NCAM1: variants seen among roughly 807,000 people sequenced by gnomAD.
NCAM1 encodes the protein antigen recognized by monoclonal antibody 5.1H11.
A neutral mutation model predicts 109.8 loss-of-function variants in NCAM1; 14 were observed. The ratio of observed to expected loss-of-function variants is 0.13; its 90% confidence interval spans 0.08 to 0.20. The LOEUF (loss-of-function observed/expected upper bound fraction) is 0.20, where lower values mean the gene tolerates loss of function less well. NCAM1 is among the 10% of genes least tolerant of loss of function. The pLI is 1.00. For missense variants in NCAM1, 774 were observed against 1,109.9 expected, an observed-to-expected ratio of 0.70 and a Z score of 4.30; for synonymous variants, 418 against 442.9, an observed-to-expected ratio of 0.94 and a Z score of 0.70.
chr11:112,983,381 A>G (rs541106907), intron 1 of NCAM1, among the ~76,000 whole-genome samples: 1 of 151,738 alleles, frequency 6.6e-6, no homozygotes, highest in Admixed American at 6.6e-5. Flanking sequence ...AGCTACAGAA[A>G]ATGATTTTGA....
At chr11:113,035,806 T>C (rs1385157901) in intron 1 of NCAM1, among the ~76,000 whole-genome samples, 2 of 152,234 alleles carry the variant, frequency 1.3e-5, no homozygotes, top group African/African-American at 4.8e-5. Flanking sequence ...TTTATTTTCC[T>C]CTTAACATCT....
intron 1 of NCAM1, among the ~76,000 whole-genome samples, chr11:113,164,494 G>C (rs370348735): frequency 3.3e-5 from 5 of 152,212 alleles, no homozygotes; most frequent in East Asian, 3.9e-4. Context: ...CTTTGCTTCT[G>C]ACCCTCCAGC....
At chr11:113,182,824 A>G (rs7924361) in intron 1 of NCAM1, among the ~76,000 whole-genome samples, 10 of 152,206 alleles carry the variant, frequency 6.6e-5, no homozygotes, top group African/African-American at 2.4e-4. Flanking sequence ...TCAGGCTTAC[A>G]GCGGCAGCCC....
At chr11:112,984,803 C>T (rs553190263) in intron 1 of NCAM1, among the ~76,000 whole-genome samples, 29 of 151,822 alleles carry the variant, frequency 1.9e-4, no homozygotes, top group Non-Finnish European at 3.4e-4. Flanking sequence ...ATATTAACCC[C>T]TTTTCTGATA....
chr11:113,096,910 T>A (rs1555090559), intron 1 of NCAM1, among the ~76,000 whole-genome samples: 2 of 152,146 alleles, frequency 1.3e-5, no homozygotes, highest in Non-Finnish European at 1.5e-5. Context: ...GTCTTCCAGC[T>A]GTCTCTCCCC....
chr11:112,983,699 A>C (rs1260021373), intron 1 of NCAM1, among the ~76,000 whole-genome samples: 6 of 152,002 alleles, frequency 3.9e-5, no homozygotes, highest in African/African-American at 1.4e-4. Flanking sequence ...TGGTCAAATG[A>C]CCATGCTCCT....
intron 1 of NCAM1, among the ~76,000 whole-genome samples, chr11:113,100,735 G>A (rs1048604032): frequency 5.3e-5 from 8 of 152,096 alleles, no homozygotes; most frequent in African/African-American, 1.4e-4. Flanking sequence ...ATGTGGGGGG[G>A]TGGGTGGCAC....
chr11:113,260,839 C>T (rs1396792986), intron 17 of NCAM1, among the ~76,000 whole-genome samples: 1 of 152,152 alleles, frequency 6.6e-6, no homozygotes, highest in East Asian at 1.9e-4. Flanking sequence ...AAAGGCCTCT[C>T]AATGGAAACA....
At chr11:113,237,255 G>T (rs1369522800) in intron 14 of NCAM1, among the ~76,000 whole-genome samples, 2 of 152,156 alleles carry the variant, frequency 1.3e-5, no homozygotes, top group Admixed American at 1.3e-4. Flanking sequence ...GCGGAGGGAG[G>T]TGTTACCCAG....
intron 1 of NCAM1, among the ~76,000 whole-genome samples, chr11:113,026,150 A>G (rs1237743387): frequency 6.6e-6 from 1 of 152,092 alleles, no homozygotes; most frequent in Non-Finnish European, 1.5e-5. Flanking sequence ...ATTTGAAAAA[A>G]CTCCAGGGCC....
rs189496878 is a variant in NCAM1, at chr11:113,166,614, T to A, written c.53-35765T>A. On this transcript the variant is annotated intron_variant, in intron 1 of 19. Coordinates refer to ENST00000316851, the MANE Select transcript of NCAM1 (RefSeq NM_181351.5). ...ATAAAATATTGGTGGGAGATGTTAT[T>A]ATGCCCATACCTTGCTGAGTGATGA... Among the ~76,000 whole-genome samples the A allele has an allele frequency of 3.2e-4, 48 of 152,346 alleles. No individual in the cohort carries two copies. In the South Asian group the frequency reaches 5.4e-3, roughly 17 times the overall value.
At chr11:112,969,683 A>C (rs376105904) in intron 1 of NCAM1, among the ~76,000 whole-genome samples, 3 of 152,334 alleles carry the variant, frequency 2.0e-5, no homozygotes, top group African/African-American at 7.2e-5. Context: ...ATGTGCTTTA[A>C]AAAAGTTCCC....
chr11:113,187,547 G>A (rs1943547128), intron 1 of NCAM1, among the ~76,000 whole-genome samples: 1 of 132,056 alleles, frequency 7.6e-6, no homozygotes, highest in African/African-American at 2.7e-5. Flanking sequence ...GGATCTGTGT[G>A]TGTGTGTGTG....
intron 1 of NCAM1, among the ~76,000 whole-genome samples, chr11:113,184,894 T>G (rs1316684688): frequency 6.6e-6 from 1 of 151,920 alleles, no homozygotes; most frequent in Non-Finnish European, 1.5e-5. Flanking sequence ...ATTATATCCA[T>G]TTTGATTGCA....
rs532202738 is a variant in NCAM1, at chr11:113,004,424, G to A, written c.52+42760G>A. Among the ~76,000 whole-genome samples the A allele has an allele frequency of 1.5e-4, 23 of 152,164 alleles. No homozygotes were observed. The East Asian group carries it at 3.1e-3, about 21-fold the overall frequency. ...AGAGAATTGCTTGAACCCGGGAGGC[G>A]GAGGTTGCAGTGAGCCGAGATCGTG... On this transcript the variant is annotated intron_variant, in intron 1 of 19. Transcript: ENST00000316851.
At chr11:113,060,007 TGA>T (rs1291877588) in intron 1 of NCAM1, among the ~76,000 whole-genome samples, 2 of 152,192 alleles carry the variant, frequency 1.3e-5, no homozygotes, top group African/African-American at 4.8e-5. Context: ...ACAGAATGGA[TGA>T]ATAAGAACAT....
chr11:113,199,829 T>TGGAAAAAAAAAAAAAAAAAAAAAAA (rs60389510), intron 1 of NCAM1, among the ~76,000 whole-genome samples: 3 of 115,782 alleles, frequency 2.6e-5, no homozygotes, highest in African/African-American at 1.0e-4. Flanking sequence ...GAAACACCCT[T>TGGAAAAAAAAAAAAAAAAAAAAAAA]AAAAAAAAAA....
chr11:113,155,719 A>G (rs1942387301), intron 1 of NCAM1, among the ~76,000 whole-genome samples: 3 of 151,984 alleles, frequency 2.0e-5, no homozygotes, highest in African/African-American at 7.3e-5. Flanking sequence ...CCTTTTCTTC[A>G]TTCTCAAAAT....
At chr11:113,024,048 A>T (rs1208072232) in intron 1 of NCAM1, among the ~76,000 whole-genome samples, 4 of 151,372 alleles carry the variant, frequency 2.6e-5, no homozygotes, top group Non-Finnish European at 4.4e-5. Flanking sequence ...AGGTACCTTG[A>T]TCACTTTGGA....
Sources: allele counts gnomAD v4.1 joint callset (sites outside exome capture counted in the v4.1 genomes callset), GRCh38; gene constraint gnomAD v4.1.1; transcripts MANE v1.5; gene names NCBI Gene and HGNC (gene_info 2026-07-23, HGNC 2026-07-21).